Variants in ADGRL3 observed in about 807,000 individuals in gnomAD.
ADGRL3 encodes the protein calcium-independent alpha-latrotoxin receptor 3.
Under a neutral mutation model 153.5 loss-of-function variants are expected in ADGRL3, and 62 were observed. The observed-to-expected ratio is 0.40, with a 90% CI of 0.33 to 0.50. The LOEUF is 0.50. Ranked by LOEUF, ADGRL3 falls within the 20% of genes least tolerant of loss-of-function variation. The probability of loss-of-function intolerance (pLI) is 0.47; values close to 1 mark genes in which losing one functional copy is unlikely to be tolerated. For synonymous variants in ADGRL3, 710 were observed against 672.5 expected, an observed-to-expected ratio of 1.06 and a Z score of -0.86; for missense variants, 1,641 against 1,859.4, an observed-to-expected ratio of 0.88 and a Z score of 2.16.
At chr4:61,595,383 T>C (rs186256563) in intron 5 of ADGRL3, among the ~76,000 whole-genome samples, 259 of 152,130 alleles carry the variant, frequency 1.7e-3, no homozygotes, top group African/African-American at 6.0e-3. Flanking sequence ...AGGTAATAAG[T>C]CCTTCCAGGA....
intron 12 of ADGRL3, 35 bp from the exon 13 acceptor site, chr4:61,912,684 A>G (rs769891866): frequency 6.2e-7 from 1 of 1,602,460 alleles, no homozygotes; most frequent in Non-Finnish European, 8.5e-7. Flanking sequence ...TGTTTTTTCT[A>G]TTCTGTGTTT....
intron 8 of ADGRL3, among the ~76,000 whole-genome samples, chr4:61,779,632 T>A (rs374759157): frequency 0.012 from 488 of 41,750 alleles, 2 homozygotes; most frequent in African/African-American, 0.046. Context: ...AGACTCTGTC[T>A]CAAAAAAAAA....
chr4:62,013,835 C>T (rs2099198743), intron 21 of ADGRL3, among the ~76,000 whole-genome samples: 1 of 151,988 alleles, frequency 6.6e-6, no homozygotes, highest in Non-Finnish European at 1.5e-5. Flanking sequence ...TTTCAGTGAG[C>T]CGAGATCGCA....
chr4:62,035,631 A>G (rs1724560448), intron 23 of ADGRL3, among the ~76,000 whole-genome samples: 1 of 152,132 alleles, frequency 6.6e-6, no homozygotes, highest in South Asian at 2.1e-4. Flanking sequence ...TTCTAATTAA[A>G]GCATTTGTCC....
At chr4:61,920,675 C>T (rs2098764564) in intron 13 of ADGRL3, among the ~76,000 whole-genome samples, 1 of 152,190 alleles carries the variant, frequency 6.6e-6, no homozygotes, top group African/African-American at 2.4e-5. Context: ...ATCTTTAGCA[C>T]ATGGGTTTCC....
chr4:61,741,212 T>C (rs4640696), intron 8 of ADGRL3, among the ~76,000 whole-genome samples: 13,267 of 152,198 alleles, frequency 0.087, 1,235 homozygotes, highest in African/African-American at 0.23. Flanking sequence ...TTAAATATGG[T>C]GCACCCTCGT....
intron 8 of ADGRL3, among the ~76,000 whole-genome samples, chr4:61,747,959 C>G (rs181032031): frequency 0.012 from 1,759 of 152,204 alleles, 54 homozygotes; most frequent in African/African-American, 0.04. Context: ...ATAGGAAACC[C>G]CATTGTCTCA....
At chr4:61,438,714 T>TC (rs1202827813) in intron 2 of ADGRL3, among the ~76,000 whole-genome samples, 169 of 145,464 alleles carry the variant, frequency 1.2e-3, no homozygotes, top group Non-Finnish European at 1.9e-3. Flanking sequence ...TTCTTTCTTT[T>TC]TTTTTTTTTT....
intron 6 of ADGRL3, among the ~76,000 whole-genome samples, chr4:61,706,646 A>C (rs987542639): frequency 6.6e-6 from 1 of 152,036 alleles, no homozygotes; most frequent in Non-Finnish European, 1.5e-5. Context: ...TTTTTCTTCC[A>C]CATCACCATT....
chr4:61,856,762 A>G (rs1009706964), intron 9 of ADGRL3, among the ~76,000 whole-genome samples: 7 of 151,188 alleles, frequency 4.6e-5, no homozygotes, highest in Non-Finnish European at 1.0e-4. Context: ...GTGCCACTAC[A>G]TATGGCTGGT....
At chr4:61,380,728 C>T (rs1469678873) in intron 1 of ADGRL3, among the ~76,000 whole-genome samples, 1 of 151,806 alleles carries the variant, frequency 6.6e-6, no homozygotes, top group Non-Finnish European at 1.5e-5. Flanking sequence ...ATATATTTGC[C>T]GGCATTTATT....
rs1581783132 is a variant in ADGRL3 at position 61,993,163 on chromosome 4, G to GT, written c.3237-3126dup. On this transcript the variant is annotated intron_variant, in intron 19 of 26. Coordinates refer to ENST00000683033, the MANE Select transcript of ADGRL3 (RefSeq NM_001387552.1). The stretch of plus-strand genomic sequence containing the variant: ...ATTTCAGCAGCATTCATGGGCTGCA[G>GT]TTGTGTGTGTGTGTGTGTGTGTGTG... 8.5e-5 allele frequency among the ~76,000 whole-genome samples: 4 copies of GT among 46,890 alleles called. No individual in the cohort carries two copies. In the East Asian group the frequency reaches 4.9e-3, roughly 58 times the overall value. The allele number at this position is 46,890 out of a possible 152,430, so 30.8% of individuals were successfully genotyped here.
chr4:61,765,650 T>A (rs1430784866), intron 8 of ADGRL3, among the ~76,000 whole-genome samples: 2 of 152,084 alleles, frequency 1.3e-5, no homozygotes, highest in Admixed American at 1.3e-4. Flanking sequence ...CAGAAGGGAA[T>A]AAATGACTGC....
chr4:61,660,890 A>T (rs1040636212), intron 5 of ADGRL3, among the ~76,000 whole-genome samples: 5 of 152,136 alleles, frequency 3.3e-5, no homozygotes, highest in African/African-American at 4.8e-5. Flanking sequence ...AACGTTAATT[A>T]GACCAATTGT....
intron 9 of ADGRL3, among the ~76,000 whole-genome samples, chr4:61,884,419 C>T (rs955248882): frequency 2.6e-5 from 4 of 152,138 alleles, no homozygotes; most frequent in Non-Finnish European, 4.4e-5. Context: ...GATTATTTCA[C>T]ACTATTGTTT....
At chr4:61,832,249 A>C (rs752406847) in intron 9 of ADGRL3, among the ~76,000 whole-genome samples, 6 of 152,174 alleles carry the variant, frequency 3.9e-5, no homozygotes, top group Non-Finnish European at 7.3e-5. Context: ...GCAAACATTA[A>C]TTTGTAAATG....
intron 1 of ADGRL3, among the ~76,000 whole-genome samples, chr4:61,230,188 A>G (rs1056731141): frequency 3.3e-5 from 5 of 152,218 alleles, no homozygotes; most frequent in African/African-American, 1.2e-4. Flanking sequence ...GTAAGCGATC[A>G]CGGCTGTCTG....
chr4:61,529,930 A>G (rs2152952333), intron 4 of ADGRL3, among the ~76,000 whole-genome samples: 1 of 152,308 alleles, frequency 6.6e-6, no homozygotes, highest in South Asian at 2.1e-4. Flanking sequence ...GGGCTTTGAA[A>G]TCACTACATG....
chr4:61,452,339 T>TA (rs1234559994), intron 2 of ADGRL3, among the ~76,000 whole-genome samples: 1 of 151,718 alleles, frequency 6.6e-6, no homozygotes, highest in Non-Finnish European at 1.5e-5. Context: ...CTGCTTCCCT[T>TA]CTGCCCAGTT....
Sources: allele counts gnomAD v4.1 joint callset (sites outside exome capture counted in the v4.1 genomes callset), GRCh38; gene constraint gnomAD v4.1.1; transcripts MANE v1.5; gene names NCBI Gene and HGNC (gene_info 2026-07-23, HGNC 2026-07-21).